The following RERE variants were observed in gnomAD, a reference collection of about 807,000 sequenced individuals.
RERE encodes the protein arginine-glutamic acid dipeptide repeats, also known as arginine-glutamic acid dipeptide repeats protein.
A neutral mutation model predicts 146.1 loss-of-function variants in RERE; 40 were observed. That is an observed-to-expected ratio of 0.27 (90% CI 0.21 to 0.36). RERE has a LOEUF of 0.36. Among genes scored for constraint, RERE ranks in the 10% least tolerant of loss-of-function variants. The probability of loss-of-function intolerance (pLI) is 1.00; values close to 1 mark genes in which losing one functional copy is unlikely to be tolerated. For missense variants in RERE, 1,933 were observed against 2,138.7 expected (o/e 0.90, Z 1.90); for synonymous variants, 1,003 against 866.0 (o/e 1.16, Z -2.78).
chr1:8,593,419 T>G (rs562796979), intron 4 of RERE, among the ~76,000 whole-genome samples: 2 of 152,174 alleles, frequency 1.3e-5, no homozygotes, highest in Non-Finnish European at 2.9e-5. Flanking sequence ...TCTCATGAGA[T>G]CTGATTGTTT....
At chr1:8,498,272 T>C (rs1475544768) in intron 8 of RERE, among the ~76,000 whole-genome samples, 3 of 152,182 alleles carry the variant, frequency 2.0e-5, no homozygotes, top group African/African-American at 7.2e-5. Context: ...GGCAGAGAAC[T>C]GCTTAAACCC....
At chr1:8,543,701 A>C (rs943774577) in intron 6 of RERE, among the ~76,000 whole-genome samples, 1 of 151,776 alleles carries the variant, frequency 6.6e-6, no homozygotes, top group African/African-American at 2.4e-5. Context: ...CTTGGCCTCT[A>C]CCTAGAAGCA....
intron 1 of RERE, among the ~76,000 whole-genome samples, chr1:8,731,483 A>G (rs182062939): frequency 7.9e-5 from 12 of 152,288 alleles, no homozygotes; most frequent in Non-Finnish European, 1.5e-4. Context: ...ACTCTTCGGA[A>G]GATCACAGCC....
intron 8 of RERE, among the ~76,000 whole-genome samples, chr1:8,507,735 A>ATTTTTTTTTT (rs1404147445): frequency 2.4e-5 from 1 of 41,416 alleles, no homozygotes; most frequent in African/African-American, 1.4e-4. Flanking sequence ...AACATCTTTT[A>ATTTTTTTTTT]TCTTTTTTTT....
chr1:8,543,518 G>A (rs908453335), intron 6 of RERE, among the ~76,000 whole-genome samples: 2 of 152,140 alleles, frequency 1.3e-5, no homozygotes, highest in African/African-American at 4.8e-5. Flanking sequence ...TTAAACTGGA[G>A]TAATTAATGT....
At chr1:8,535,831 G>A (rs1645717307) in intron 7 of RERE, among the ~76,000 whole-genome samples, 1 of 152,168 alleles carries the variant, frequency 6.6e-6, no homozygotes, top group Admixed American at 6.5e-5. Flanking sequence ...GATTTAGCCG[G>A]GCATGGTGGC....
At chr1:8,583,198 G>T (rs1190995457) in intron 4 of RERE, among the ~76,000 whole-genome samples, 1 of 152,124 alleles carries the variant, frequency 6.6e-6, no homozygotes, top group East Asian at 1.9e-4. Context: ...TGGTAGCATT[G>T]GCAGCATAGT....
intron 1 of RERE, among the ~76,000 whole-genome samples, chr1:8,796,016 T>A (rs995687449): frequency 6.6e-6 from 1 of 150,874 alleles, no homozygotes. Flanking sequence ...AAACAGGAAT[T>A]ATGTAGCATA....
chr1:8,776,674 C>A (rs967477501), intron 1 of RERE, among the ~76,000 whole-genome samples: 1 of 152,104 alleles, frequency 6.6e-6, no homozygotes, highest in African/African-American at 2.4e-5. Flanking sequence ...CTCTTTCCTT[C>A]TTCTAAAAAC....
Position 8,456,495 on chromosome 1 carries a change from A to G in RERE, c.1203+9430T>C, listed in dbSNP as rs1644454764. 2.0e-5 allele frequency among the ~76,000 whole-genome samples: 3 copies of G among 152,366 alleles called. No homozygotes were observed. The South Asian group carries it at 6.2e-4, about 32-fold the overall frequency. ...CACAATGAGCAGCTGCAGAAGTCAG[A>G]GGAATGCATGACTCAGAGTCCTACA... On this transcript the variant is annotated intron_variant, in intron 11 of 22. Coordinates refer to ENST00000400908, the MANE Select transcript of RERE (RefSeq NM_001042681.2).
chr1:8,711,101 G>C (rs986516404), intron 1 of RERE, among the ~76,000 whole-genome samples: 1 of 135,452 alleles, frequency 7.4e-6, no homozygotes, highest in Non-Finnish European at 1.5e-5. Flanking sequence ...AGGCTGCTGT[G>C]AGCCCAGATC....
At chr1:8,537,010 C>T (rs1216293988) in intron 7 of RERE, among the ~76,000 whole-genome samples, 2 of 152,062 alleles carry the variant, frequency 1.3e-5, no homozygotes, top group African/African-American at 4.8e-5. Flanking sequence ...AGAGACCAGC[C>T]TGGGGAACAT....
intron 6 of RERE, among the ~76,000 whole-genome samples, chr1:8,552,855 T>G (rs1645953481): frequency 6.7e-6 from 1 of 149,128 alleles, no homozygotes; most frequent in Admixed American, 6.6e-5. Context: ...CACACACGTG[T>G]GACCCTGCAC....
At chr1:8,467,738 G>A (rs536443583) in intron 10 of RERE, among the ~76,000 whole-genome samples, 7 of 152,024 alleles carry the variant, frequency 4.6e-5, no homozygotes, top group African/African-American at 1.7e-4. Context: ...TCTGCCTCCC[G>A]GGTTCACGCC....
intron 4 of RERE, among the ~76,000 whole-genome samples, chr1:8,585,404 C>T (rs182156266): frequency 6.6e-6 from 1 of 152,124 alleles, no homozygotes; most frequent in East Asian, 1.9e-4. Flanking sequence ...AATCAAGAGG[C>T]CCAGAAATAA....
intron 1 of RERE, among the ~76,000 whole-genome samples, chr1:8,659,331 C>A (rs1213076615): frequency 2.6e-5 from 4 of 152,168 alleles, no homozygotes; most frequent in African/African-American, 4.8e-5. Context: ...CTGAAGCGGG[C>A]GGATCACCTG....
intron 3 of RERE, among the ~76,000 whole-genome samples, chr1:8,616,938 A>G (rs1264010770): frequency 1.3e-5 from 2 of 152,238 alleles, no homozygotes; most frequent in Non-Finnish European, 2.9e-5. Context: ...AGTATCATGC[A>G]AAAAGGATGT....
chr1:8,361,565 C>G, intron 17 of RERE, 75 bp from the exon 18 acceptor site: 1 of 1,554,332 alleles, frequency 6.4e-7, no homozygotes, highest in South Asian at 1.1e-5. Flanking sequence ...CAGTGCCGGA[C>G]ACACAGTAAT....
At chr1:8,678,719 A>G (rs572772647) in intron 1 of RERE, among the ~76,000 whole-genome samples, 4 of 152,160 alleles carry the variant, frequency 2.6e-5, no homozygotes, top group Non-Finnish European at 4.4e-5. Context: ...TAAAAATACA[A>G]AAAGTAAATT....
Sources: gnomAD v4.1 joint callset for allele counts (sites outside exome capture counted in the v4.1 genomes callset) on GRCh38, gnomAD v4.1.1 for gene constraint, MANE v1.5 for transcripts, NCBI Gene and HGNC (gene_info 2026-07-23, HGNC 2026-07-21) for gene names.